DMBT1: variants seen among roughly 807,000 people sequenced by gnomAD.
The protein encoded by DMBT1 is deleted in malignant brain tumors 1, also known as scavenger receptor cysteine-rich domain-containing protein DMBT1.
DMBT1 carries 198 observed loss-of-function variants against 252.9 expected under a neutral mutation model. The ratio of observed to expected loss-of-function variants is 0.78; its 90% CI spans 0.70 to 0.88. DMBT1 has a LOEUF of 0.88. Ranked by LOEUF, DMBT1 falls within the 40% of genes least tolerant of loss-of-function variation. The pLI is 0.00. For missense variants in DMBT1, 2,432 were observed against 2,404.7 expected, an observed-to-expected ratio of 1.01 and a Z score of -0.24; for synonymous variants, 990 against 942.7, an observed-to-expected ratio of 1.05 and a Z score of -0.92.
At chr10:122,580,169 C>A (rs2097755517) in intron 10 of DMBT1, among the ~76,000 whole-genome samples, 1 of 152,186 alleles carries the variant, frequency 6.6e-6, no homozygotes, top group African/African-American at 2.4e-5. Context: ...TGCCGGCTCC[C>A]CAGGGCTCCA....
At chr10:122,580,723 T>C (rs2097761297) in intron 10 of DMBT1, 143 bp from the exon 11 acceptor site, 5 of 1,251,788 alleles carry the variant, frequency 4.0e-6, no homozygotes, top group Non-Finnish European at 5.8e-6. Flanking sequence ...TCTGTGGGGA[T>C]GTGCATGGCA....
chr10:122,574,475 G>C (rs1048574228), intron 6 of DMBT1, among the ~76,000 whole-genome samples: 4 of 152,212 alleles, frequency 2.6e-5, no homozygotes, highest in South Asian at 4.2e-4. Flanking sequence ...TACATGCATC[G>C]GGCCCTCCTG....
At chr10:122,587,772 T>G (rs2097803579) in intron 16 of DMBT1, among the ~76,000 whole-genome samples, 1 of 148,754 alleles carries the variant, frequency 6.7e-6, no homozygotes, top group Admixed American at 6.7e-5. Context: ...TATACTCCTT[T>G]GGGCAGCTCC....
intron 10 of DMBT1, 83 bp from the exon 11 acceptor site, chr10:122,580,783 G>T: frequency 6.5e-7 from 1 of 1,536,180 alleles, no homozygotes; most frequent in South Asian, 1.1e-5. Context: ...TGTCAGACTC[G>T]CTCATTTCTT....
chr10:122,585,253 T>G lies in DMBT1; in HGVS notation c.1421-18T>G. On this transcript the variant is annotated intron_variant, in intron 14 of 55. Coordinates refer to ENST00000338354, the MANE Select transcript of DMBT1 (RefSeq NM_001377530.1). ...CCATCAACTTTAATTCTAGCCTTTG[T>G]CTCTGTTGCAATTACAGACACGTTG... The G allele has an allele frequency of 6.3e-7, 1 of 1,585,964 alleles. No homozygotes were observed. Among genetic ancestry groups the G allele is most frequent in the Non-Finnish European group, 8.6e-7 (1 of 1,163,722 alleles).
chr10:122,629,188 G>A (rs2098139632), intron 46 of DMBT1, among the ~76,000 whole-genome samples: 1 of 152,130 alleles, frequency 6.6e-6, no homozygotes, highest in African/African-American at 2.4e-5. Context: ...TTATGTTTAT[G>A]TATAAATGTT....
Position 122,580,027 on chromosome 10 carries a change from C to T in DMBT1, c.1003+126C>T, listed in dbSNP as rs754696382. ...TTCTATGTTTCTGAAGACTTGTCAG[C>T]TCTCTGCTAAGAATCCATATGTACT... is the stretch of plus-strand genomic sequence containing the variant. On this transcript the variant is annotated intron_variant, in intron 10 of 55. Coordinates refer to ENST00000338354, the MANE Select transcript of DMBT1 (RefSeq NM_001377530.1). 1.7e-5 allele frequency: 25 copies of T among 1,512,788 alleles called. No homozygotes were observed. The South Asian group carries it at 2.8e-4, about 17-fold the overall frequency. 93.7% of individuals were successfully genotyped at this position (1,512,788 alleles called of 1,614,324 possible).
intron 4 of DMBT1, among the ~76,000 whole-genome samples, 173 bp downstream of exon 4, chr10:122,571,110 C>T (rs1327018060): frequency 3.3e-5 from 5 of 152,246 alleles, no homozygotes; most frequent in Admixed American, 1.3e-4. Context: ...GTCAATATCA[C>T]CACACATGAG....
intron 2 of DMBT1, among the ~76,000 whole-genome samples, chr10:122,568,212 A>T (rs2097619052): frequency 6.6e-6 from 1 of 152,176 alleles, no homozygotes; most frequent in Non-Finnish European, 1.5e-5. Context: ...AATATGGAGC[A>T]TGATGACATC....
chr10:122,592,067 A>G (rs1347710936), intron 19 of DMBT1, among the ~76,000 whole-genome samples: 1 of 148,422 alleles, frequency 6.7e-6, no homozygotes, highest in African/African-American at 2.4e-5. Flanking sequence ...CTTTCCCAAA[A>G]TCTGAGCCTC....
At chr10:122,560,869 C>CT in intron 1 of DMBT1, 38 bp downstream of exon 1, 1 of 1,492,028 alleles carries the variant, frequency 6.7e-7, no homozygotes. Context: ...AATTTCTCTC[C>CT]TGCAGACCCA....
intron 8 of DMBT1, among the ~76,000 whole-genome samples, chr10:122,578,487 C>CTGCG (rs1046996155): frequency 1.3e-5 from 2 of 152,146 alleles, no homozygotes; most frequent in African/African-American, 4.8e-5. Context: ...GGTTTCCTAA[C>CTGCG]TGCGAATAGG....
rs1021053357 is a variant in DMBT1, at chr10:122,598,814, T to A, written c.2997T>A (p.Gly999=). ...SSLALRLVNG[G]DRCQGRVEVL... ...TGGCCCTGAGGCTGGTGAATGGAGGTGACAGGTGTCAGGGCCGAGTGGAGG... is the reference window on the plus strand; with the variant it reads ...TGGCCCTGAGGCTGGTGAATGGAGGAGACAGGTGTCAGGGCCGAGTGGAGG... Residue 999 remains glycine, a synonymous_variant, in exon 26 of 56, where the codon GGT becomes GGA. Coordinates refer to ENST00000338354, the MANE Select transcript of DMBT1 (RefSeq NM_001377530.1). 11 of 1,613,338 alleles carry A rather than the reference T, an allele frequency of 6.8e-6. No homozygotes were observed. Among genetic ancestry groups the A allele is most frequent in the African/African-American group, 6.7e-5 (5 of 74,970 alleles).
chr10:122,565,467 A>T (rs2097582007), intron 1 of DMBT1, among the ~76,000 whole-genome samples: 1 of 152,256 alleles, frequency 6.6e-6, no homozygotes, highest in South Asian at 2.1e-4. Flanking sequence ...GTCTGGCCTC[A>T]CTGAATATAA....
At chr10:122,625,672 G>A (rs933875493) in intron 45 of DMBT1, among the ~76,000 whole-genome samples, 1 of 152,172 alleles carries the variant, frequency 6.6e-6, no homozygotes, top group Non-Finnish European at 1.5e-5. Flanking sequence ...GCACGTATTT[G>A]TCAAATAAAG....
At chr10:122,634,432 C>T (rs868618775) in intron 52 of DMBT1, among the ~76,000 whole-genome samples, 15 of 29,200 alleles carry the variant, frequency 5.1e-4, no homozygotes, top group African/African-American at 1.2e-3. Flanking sequence ...TCTCTCTCTT[C>T]TCTCTCTCTC....
intron 17 of DMBT1, 94 bp downstream of exon 17, chr10:122,589,361 C>T (rs1336976661): frequency 7.8e-6 from 12 of 1,528,708 alleles, no homozygotes; most frequent in Admixed American, 7.3e-5. Context: ...AGAGCTTTTT[C>T]AACCTTTCCT....
Position 122,621,348 on chromosome 10 carries a change from G to T in DMBT1, c.5576G>T (p.Gly1859Val). 6.2e-7 allele frequency: 1 copy of T among 1,613,842 alleles called. No homozygotes were observed. The highest frequency in any genetic ancestry group is 8.5e-7 in the Non-Finnish European group (1 of 1,179,752). Residue 1859 changes from glycine (G) to valine (V), a missense_variant, in exon 44 of 56, where the codon GGC becomes GTC. Coordinates refer to ENST00000338354, the MANE Select transcript of DMBT1 (RefSeq NM_001377530.1). Reference sequence around the variant, plus strand: ...AAAGGCTGGCTCACCCACAACTGTGGCCATCACGAAGACGCTGGTGTCATC... The same window carrying T: ...AAAGGCTGGCTCACCCACAACTGTGTCCATCACGAAGACGCTGGTGTCATC... Reference protein sequence around the residue: ...PHKGWLTHNCGHHEDAGVICS... With the variant: ...PHKGWLTHNCVHHEDAGVICS...
chr10:122,581,472 T>TC (rs2097768112), intron 11 of DMBT1, among the ~76,000 whole-genome samples: 1 of 149,754 alleles, frequency 6.7e-6, no homozygotes, highest in Admixed American at 6.6e-5. Context: ...CCTGGCAGTG[T>TC]CCGAGCTTCA....
Sources: allele counts gnomAD v4.1 joint callset (sites outside exome capture counted in the v4.1 genomes callset), GRCh38; gene constraint gnomAD v4.1.1; transcripts MANE v1.5; gene names NCBI Gene and HGNC (gene_info 2026-07-23, HGNC 2026-07-21).